Variants in ARL2BP observed in about 807,000 individuals in gnomAD.
The protein encoded by ARL2BP is ADP-ribosylation factor-like protein 2-binding protein.
Under a neutral mutation model 24.2 loss-of-function variants are expected in ARL2BP, and 19 were observed. That is an observed-to-expected ratio of 0.79 (90% CI 0.55 to 1.15). ARL2BP has a LOEUF of 1.15. ARL2BP is among the 50% of genes most tolerant of loss of function. The probability of loss-of-function intolerance (pLI) is 0.00; values close to 1 mark genes in which losing one functional copy is unlikely to be tolerated. For missense variants in ARL2BP, 160 were observed against 190.4 expected (o/e 0.84, Z 0.94); for synonymous variants, 56 against 70.5 (o/e 0.79, Z 1.03).
intron 1 of ARL2BP, 134 bp from the exon 2 acceptor site, chr16:57,245,946 A>G: frequency 1.2e-6 from 1 of 800,782 alleles, no homozygotes. Context: ...GTCATTCTTA[A>G]TCGTTGAAGA....
rs776375075 is a variant in ARL2BP at position 57,249,826 on chromosome 16, C to T, written c.267C>T (p.Asn89=). 3.7e-6 allele frequency: 6 copies of T among 1,614,230 alleles called. No homozygotes were observed. The highest frequency in any genetic ancestry group is 3.3e-5 in the Admixed American group (2 of 60,030). Residue 89 remains asparagine, a synonymous_variant, in exon 4 of 6, where the codon AAC becomes AAT. Transcript: ENST00000219204. ...EQLLQRIPEF[N]MAAFTTTLQH... is the part of the protein sequence containing the mutation. ...TGCTGCAGCGGATTCCTGAGTTCAA[C>T]ATGGCAGCCTTCACCACAACATTAC...
chr16:57,249,744 C>T (rs781518456), intron 3 of ARL2BP, 23 bp from the exon 4 acceptor site: 36 of 1,604,468 alleles, frequency 2.2e-5, no homozygotes, highest in Non-Finnish European at 2.9e-5. Context: ...ATGGTCTCAC[C>T]AAAATCCTTT....
At chr16:57,249,569 G>C (rs1212700631) in intron 3 of ARL2BP, 198 bp from the exon 4 acceptor site, 3 of 584,128 alleles carry the variant, frequency 5.1e-6, no homozygotes, top group Non-Finnish European at 9.2e-6. Flanking sequence ...TATCAGCTAA[G>C]GCTTCTCTTC....
chr16:57,250,689 A>C (rs1263963265), intron 5 of ARL2BP, 182 bp downstream of exon 5: 1 of 603,506 alleles, frequency 1.7e-6, no homozygotes, highest in African/African-American at 1.9e-5. Context: ...TTCATGAAAC[A>C]AGCCCAGGTA....
intron 1 of ARL2BP, 184 bp from the exon 2 acceptor site, chr16:57,245,896 C>T: frequency 6.3e-6 from 4 of 632,376 alleles, no homozygotes; most frequent in Middle Eastern, 3.9e-4. Flanking sequence ...ACAAACGTGC[C>T]GAGTGTGTTT....
Position 57,252,663 on chromosome 16 carries a change from G to GC in ARL2BP, c.*397dup, listed in dbSNP as rs2075412229. 1 of 228,122 alleles carries GC rather than the reference G, an allele frequency of 4.4e-6. No homozygotes were observed. The highest frequency in any genetic ancestry group is 8.8e-6 in the Non-Finnish European group (1 of 113,664). 14.1% of individuals were successfully genotyped at this position (228,122 alleles called of 1,614,324 possible). ...GCTCTGCATGAATCTTTGTGCACTT[G>GC]CACCTCTTTTTCACATGGGCCACAG... On this transcript the variant is annotated 3_prime_UTR_variant, in exon 6 of 6. Coordinates refer to ENST00000219204, the MANE Select transcript of ARL2BP (RefSeq NM_012106.4).
rs762933334 is a variant in ARL2BP, at chr16:57,253,390, T to G, written c.*1123T>G. 2.0e-5 allele frequency: 3 copies of G among 152,198 alleles called. No homozygotes were observed. Among genetic ancestry groups the G allele is most frequent in the Non-Finnish European group, 4.4e-5 (3 of 68,038 alleles). 9.4% of individuals were successfully genotyped at this position (152,198 alleles called of 1,614,324 possible). ...TTTAGTGCAATGTGTGGTAGATTAC[T>G]TATCAGAAAACATATATGTCATCTC... On this transcript the variant is annotated 3_prime_UTR_variant, in exon 6 of 6. Transcript: ENST00000219204.
chr16:57,249,262 C>G (rs2075400204), intron 3 of ARL2BP: 1 of 153,590 alleles, frequency 6.5e-6, no homozygotes, highest in Non-Finnish European at 1.4e-5. Flanking sequence ...AGCTCGTCAC[C>G]CTTGGGTCTC....
Position 57,251,916 on chromosome 16 carries a change from G to T in ARL2BP, c.391-250G>T, listed in dbSNP as rs1335546013. The T allele has an allele frequency of 1.4e-5, 6 of 415,672 alleles. No individual in the cohort carries two copies. In the Admixed American group the frequency reaches 1.6e-4, roughly 11 times the overall value. 25.7% of individuals were successfully genotyped at this position (415,672 alleles called of 1,614,324 possible). A position where few individuals can be genotyped will look rare whatever the true frequency, so the allele number is the denominator to read the frequency against. On this transcript the variant is annotated intron_variant, in intron 5 of 5. Coordinates refer to ENST00000219204, the MANE Select transcript of ARL2BP (RefSeq NM_012106.4). ...GGAATTCCAGGCAGCAGTTAGCTGT[G>T]ATCAAGCCACTATACTCCAGCCTGG...
intron 3 of ARL2BP, chr16:57,249,048 T>C (rs1246001700): frequency 2.6e-5 from 4 of 153,016 alleles, no homozygotes; most frequent in Admixed American, 2.6e-4. Context: ...GTTTGGCTTA[T>C]CATAATCCTG....
chr16:57,249,692 G>A (rs1171858884), intron 3 of ARL2BP, 75 bp from the exon 4 acceptor site: 21 of 1,185,602 alleles, frequency 1.8e-5, no homozygotes, highest in Non-Finnish European at 2.4e-5. Context: ...TTTAGAAAGG[G>A]CTGGGCAGGC....
intron 4 of ARL2BP, 104 bp from the exon 5 acceptor site, chr16:57,250,307 A>T (rs1406594970): frequency 1.2e-5 from 12 of 1,030,468 alleles, no homozygotes; most frequent in Non-Finnish European, 1.2e-5. Context: ...ACAAAACAAA[A>T]ATAATGCGGG....
rs1406491322 is a variant in ARL2BP at position 57,252,326 on chromosome 16, G to T, written c.*59G>T. The T allele has an allele frequency of 1.9e-6, 3 of 1,613,368 alleles. No homozygotes were observed. Among genetic ancestry groups the T allele is most frequent in the Non-Finnish European group, 2.5e-6 (3 of 1,179,908 alleles). ...GGATGTCACCAGCCCAATAGGCTCA[G>T]CTCATGATGACAGAACACATCTTGG... On this transcript the variant is annotated 3_prime_UTR_variant, in exon 6 of 6. Coordinates refer to ENST00000219204, the MANE Select transcript of ARL2BP (RefSeq NM_012106.4).
chr16:57,245,815 TG>T (rs2075388690), intron 1 of ARL2BP: 1 of 549,388 alleles, frequency 1.8e-6, no homozygotes, highest in Admixed American at 3.2e-5. Flanking sequence ...CAGACAGGTA[TG>T]GGGTGATAGC....
intron 2 of ARL2BP, among the ~76,000 whole-genome samples, chr16:57,247,012 G>A (rs1443499873): frequency 6.6e-6 from 1 of 152,094 alleles, no homozygotes; most frequent in Non-Finnish European, 1.5e-5. Context: ...ATGTAGGAGG[G>A]GAAAACTTAC....
Position 57,250,258 on chromosome 16 carries a change from C to T in ARL2BP, c.294-153C>T, listed in dbSNP as rs958672103. 25 of 667,352 alleles carry T rather than the reference C, an allele frequency of 3.7e-5. No individual in the cohort carries two copies. The East Asian group carries it at 6.2e-4, about 17-fold the overall frequency. The allele number at this position is 667,352 out of a possible 1,614,324, so 41.3% of individuals were successfully genotyped here. Reference sequence around the variant, plus strand: ...TGAGCTATAATTGCACCCCTGCACTCCTGCCTGGGTGACAGAGCAAGACCC... The same window carrying T: ...TGAGCTATAATTGCACCCCTGCACTTCTGCCTGGGTGACAGAGCAAGACCC... On this transcript the variant is annotated intron_variant, in intron 4 of 5. Coordinates refer to ENST00000219204, the MANE Select transcript of ARL2BP (RefSeq NM_012106.4).
In ARL2BP at chr16:57,252,499, CCT is replaced by C. The variant is rs2075411627; in HGVS notation, c.*238_*239del. ...TACTCCTCCCCACCTCAAGTAGACACCTCTCTCAGGAGCTTCTGAGTCAGACG... is the reference window on the plus strand; with the variant it reads ...TACTCCTCCCCACCTCAAGTAGACACCTCTCAGGAGCTTCTGAGTCAGACG... On this transcript the variant is annotated 3_prime_UTR_variant, in exon 6 of 6. Transcript: ENST00000219204. 7.3e-6 allele frequency: 5 copies of C among 686,564 alleles called. No individual in the cohort carries two copies. The East Asian group carries it at 9.6e-5, about 13-fold the overall frequency. The allele number at this position is 686,564 out of a possible 1,614,324, so 42.5% of individuals were successfully genotyped here. A position where few individuals can be genotyped will look rare whatever the true frequency, so the allele number is the denominator to read the frequency against.
At position 57,246,087 on chromosome 16, in the gene ARL2BP, G is replaced by C; in HGVS notation, c.46G>C (p.Ala16Pro). The change falls in exon 2 of 6, where the codon GCC becomes CCC. Residue 16 changes from alanine to proline, a missense_variant. By Grantham distance (27) the Ala-to-Pro change is conservative. Coordinates refer to ENST00000219204, the MANE Select transcript of ARL2BP (RefSeq NM_012106.4). ...TCCAGGCATGTTTTTCAGCTCCTCC[G>C]CCTCTGATGCAGAATTTGATGCTGT... ...GESFALSFSS[A>P]SDAEFDAVVG... 1 of 1,613,868 alleles carries C rather than the reference G, an allele frequency of 6.2e-7. No homozygotes were observed. Among genetic ancestry groups the C allele is most frequent in the East Asian group, 2.2e-5 (1 of 44,872 alleles).
chr16:57,253,428 A>G lies in ARL2BP; in HGVS notation c.*1161A>G, dbSNP rs1230383151. The G allele has an allele frequency of 6.6e-6, 1 of 152,154 alleles. No homozygotes were observed. The highest frequency in any genetic ancestry group is 2.4e-5 in the African/African-American group (1 of 41,426). 9.4% of individuals were successfully genotyped at this position (152,154 alleles called of 1,614,324 possible). A position where few individuals can be genotyped will look rare whatever the true frequency, so the allele number is the denominator to read the frequency against. On this transcript the variant is annotated 3_prime_UTR_variant, in exon 6 of 6. Coordinates refer to ENST00000219204, the MANE Select transcript of ARL2BP (RefSeq NM_012106.4). ...TATATGTCATCTCTAGAACGAAGAA[A>G]AAGCATAGTAGTTCAATTCCCAGTG...
Sources: gnomAD v4.1 joint callset for allele counts (sites outside exome capture counted in the v4.1 genomes callset) on GRCh38, gnomAD v4.1.1 for gene constraint, MANE v1.5 for transcripts, NCBI Gene and HGNC (gene_info 2026-07-23, HGNC 2026-07-21) for gene names.